The following RUBCN variants were observed in gnomAD, a reference collection of about 807,000 sequenced individuals.
RUBCN encodes rubicon autophagy regulator.
Under a neutral mutation model 113.2 loss-of-function variants are expected in RUBCN, and 74 were observed. That is an observed-to-expected ratio of 0.65 (90% CI 0.54 to 0.79). The LOEUF (loss-of-function observed/expected upper bound fraction) is 0.79, where lower values mean the gene tolerates loss of function less well. Ranked by LOEUF, RUBCN falls within the 30% of genes least tolerant of loss-of-function variation. The pLI is 0.00. For missense variants in RUBCN, 1,109 were observed against 1,251.7 expected (o/e 0.89, Z 1.72); for synonymous variants, 480 against 490.0 (o/e 0.98, Z 0.27).
intron 7 of RUBCN, 87 bp from the exon 8 acceptor site, chr3:197,697,136 G>A (rs930007830): frequency 2.3e-5 from 17 of 741,810 alleles, no homozygotes; most frequent in Non-Finnish European, 4.0e-5. Flanking sequence ...ACACTTAACT[G>A]CACCCCTTCC....
At position 197,681,041 on chromosome 3, in the gene RUBCN, T is replaced by C; in HGVS notation, c.2430+88A>G. On this transcript the variant is annotated intron_variant, in intron 16 of 19. Transcript: ENST00000296343. This position sits in a 1 kb window ranked among gnomAD's most constrained non-coding sequence, Gnocchi z 5.5. The stretch of plus-strand genomic sequence containing the variant: ...GGGGGGAGGGGACAAGAGGAGGGGA[T>C]GGGGGGAGGGGACGGGGGAGGGACG... 2.6e-6 allele frequency: 1 copy of C among 386,914 alleles called. No homozygotes were observed. The highest frequency in any genetic ancestry group is 4.6e-6 in the Non-Finnish European group (1 of 216,268). 24.0% of individuals were successfully genotyped at this position (386,914 alleles called of 1,614,324 possible).
At chr3:197,732,567 C>A (rs1727643171) in intron 1 of RUBCN, among the ~76,000 whole-genome samples, 1 of 152,238 alleles carries the variant, frequency 6.6e-6, no homozygotes, top group Non-Finnish European at 1.5e-5. Context: ...CCCACCTTGG[C>A]CTCCCAAAGT....
At chr3:197,693,594 T>C in intron 11 of RUBCN, 121 bp downstream of exon 11, 1 of 753,148 alleles carries the variant, frequency 1.3e-6, no homozygotes, top group Non-Finnish European at 2.3e-6. Context: ...GGCTGTCCCT[T>C]ACAATAGCTA....
rs1719759272 is a variant in RUBCN at position 197,671,198 on chromosome 3, G to A, written c.*3820C>T. Among the ~76,000 whole-genome samples the A allele has an allele frequency of 6.6e-6, 1 of 152,032 alleles. No homozygotes were observed. Among genetic ancestry groups the A allele is most frequent in the Admixed American group, 6.5e-5 (1 of 15,274 alleles). ...CCTGGCTAATTTTTATATTTTTGTA[G>A]AGATGAGGTTTTGTGATGTTAGCCA... On this transcript the variant is annotated 3_prime_UTR_variant, in exon 20 of 20. Coordinates refer to ENST00000296343, the MANE Select transcript of RUBCN (RefSeq NM_014687.4).
intron 7 of RUBCN, 105 bp downstream of exon 7, chr3:197,700,508 A>C: frequency 2.7e-6 from 3 of 1,096,864 alleles, no homozygotes; most frequent in South Asian, 1.3e-5. Context: ...GTATCACCAG[A>C]AACAGAACAT....
chr3:197,730,312 C>A (rs1321946142), intron 1 of RUBCN, among the ~76,000 whole-genome samples: 1 of 152,100 alleles, frequency 6.6e-6, no homozygotes. Context: ...AGCCCATACC[C>A]CGACCACAAG....
intron 1 of RUBCN, among the ~76,000 whole-genome samples, chr3:197,719,718 A>G (rs140040140): frequency 4.6e-5 from 7 of 152,282 alleles, no homozygotes; most frequent in African/African-American, 1.7e-4. Flanking sequence ...AAGATACACC[A>G]AACAATCTAT....
rs912828360 is a variant in RUBCN at position 197,671,375 on chromosome 3, T to C, written c.*3643A>G. ...GAGGCGCAGGGAGGAAAATAATGTA[T>C]GATCAAGAACACCTGAATTTGTGTG... On this transcript the variant is annotated 3_prime_UTR_variant, in exon 20 of 20. Coordinates refer to ENST00000296343, the MANE Select transcript of RUBCN (RefSeq NM_014687.4). The C allele has an allele frequency of 6.6e-6, 1 of 152,132 alleles. No homozygotes were observed. Among genetic ancestry groups the C allele is most frequent in the Admixed American group, 6.6e-5 (1 of 15,260 alleles). The allele number at this position is 152,132 out of a possible 1,614,324, so 9.4% of individuals were successfully genotyped here.
chr3:197,675,366 GA>G lies in RUBCN; in HGVS notation c.2740+55del. On this transcript the variant is annotated intron_variant, in intron 19 of 19. Coordinates refer to ENST00000296343, the MANE Select transcript of RUBCN (RefSeq NM_014687.4). The surrounding 1 kb of genome is among the most constrained non-coding windows in gnomAD (Gnocchi z 4.4). ...TCTTGCTAACAGGGGTGGCTCTGGG[GA>G]ATCAAGGAGCCCTGTGTTCAGGCTC... 6.5e-7 allele frequency: 1 copy of G among 1,541,510 alleles called. No homozygotes were observed. Among genetic ancestry groups the G allele is most frequent in the Non-Finnish European group, 9.0e-7 (1 of 1,115,964 alleles).
At chr3:197,705,281 C>T in intron 2 of RUBCN, 106 bp from the exon 3 acceptor site, 4 of 985,818 alleles carry the variant, frequency 4.1e-6, no homozygotes, top group Non-Finnish European at 4.8e-6. Flanking sequence ...CTTCCCTTGC[C>T]TCATCAAAGG....
rs766210609 is a variant in RUBCN at position 197,671,575 on chromosome 3, G to A, written c.*3443C>T. On this transcript the variant is annotated 3_prime_UTR_variant, in exon 20 of 20. Coordinates refer to ENST00000296343, the MANE Select transcript of RUBCN (RefSeq NM_014687.4). The stretch of plus-strand genomic sequence containing the variant: ...CTAATGGTTAGGTTTTTGGAAATAC[G>A]GAATTTATGCTGGTTTTAGACACAC... 2 of 152,164 alleles carry A rather than the reference G, an allele frequency of 1.3e-5. No individual in the cohort carries two copies. Among genetic ancestry groups the A allele is most frequent in the Non-Finnish European group, 2.9e-5 (2 of 68,016 alleles). 9.4% of individuals were successfully genotyped at this position (152,164 alleles called of 1,614,324 possible). A position where few individuals can be genotyped will look rare whatever the true frequency, so the allele number is the denominator to read the frequency against.
chr3:197,721,462 T>A (rs1277365805), intron 1 of RUBCN, among the ~76,000 whole-genome samples: 1 of 152,170 alleles, frequency 6.6e-6, no homozygotes, highest in Non-Finnish European at 1.5e-5. Context: ...TGTCTCCTTT[T>A]TCTCTCTGAT....
chr3:197,720,113 G>A lies in RUBCN; in HGVS notation c.66-1983C>T, dbSNP rs569904655. ...TTACTGTGCAACAGAGCACCAGAAC[G>A]TACTCCTCCTGCCTAACTACAACCA... On this transcript the variant is annotated intron_variant, in intron 1 of 19. Transcript: ENST00000296343. Among the ~76,000 whole-genome samples, 4 of 151,754 alleles carry A rather than the reference G, an allele frequency of 2.6e-5. No homozygotes were observed. In the South Asian group the frequency reaches 6.3e-4, roughly 24 times the overall value.
chr3:197,696,716 G>A (rs1472587310), intron 8 of RUBCN, among the ~76,000 whole-genome samples: 2 of 152,126 alleles, frequency 1.3e-5, no homozygotes, highest in African/African-American at 2.4e-5. Flanking sequence ...CGACGTACCC[G>A]GTGCGAACAC....
intron 2 of RUBCN, among the ~76,000 whole-genome samples, chr3:197,715,525 T>C (rs1202735074): frequency 2.0e-5 from 3 of 151,946 alleles, no homozygotes; most frequent in Admixed American, 6.6e-5. Flanking sequence ...CTCCTCATCA[T>C]AGCACATACT....
intron 1 of RUBCN, among the ~76,000 whole-genome samples, chr3:197,733,539 G>A (rs1044327660): frequency 7.9e-5 from 12 of 152,108 alleles, no homozygotes; most frequent in African/African-American, 2.7e-4. Flanking sequence ...GACTGTTTCT[G>A]AACTGGGTAT....
intron 11 of RUBCN, chr3:197,691,194 G>T: frequency 3.1e-6 from 3 of 957,190 alleles, no homozygotes; most frequent in Non-Finnish European, 4.4e-6. Flanking sequence ...ATTCCAGCAG[G>T]AAATAAACTA....
intron 9 of RUBCN, among the ~76,000 whole-genome samples, chr3:197,695,271 C>G (rs113121352): frequency 6.0e-4 from 90 of 150,396 alleles, no homozygotes; most frequent in East Asian, 2.0e-3. Flanking sequence ...AGACCCCAGA[C>G]GCAGTGGCTC....
intron 1 of RUBCN, among the ~76,000 whole-genome samples, chr3:197,730,868 TCATATTTTAAAAGCATC>T (rs1727351647): frequency 1.3e-5 from 2 of 148,458 alleles, no homozygotes; most frequent in African/African-American, 4.9e-5. Context: ...TCTTTTTTTT[TCATATTTTAAAAGCATC>T]TTTTTTTTTT....
Sources: allele counts gnomAD v4.1 joint callset (sites outside exome capture counted in the v4.1 genomes callset), GRCh38; gene constraint gnomAD v4.1.1; non-coding constraint Gnocchi (gnomAD v3.1); transcripts MANE v1.5; gene names NCBI Gene and HGNC (gene_info 2026-07-23, HGNC 2026-07-21).